PEX5L: variants seen among roughly 807,000 people sequenced by gnomAD.
PEX5L encodes the protein peroxisomal biogenesis factor 5 like.
Under a neutral mutation model 84.0 loss-of-function variants are expected in PEX5L, and 30 were observed. The observed-to-expected ratio is 0.36, with a 90% CI of 0.27 to 0.48. The LOEUF (loss-of-function observed/expected upper bound fraction) is 0.48, where lower values mean the gene tolerates loss of function less well. PEX5L is among the 20% of genes least tolerant of loss of function. PEX5L has a pLI of 0.99. For missense variants in PEX5L, 533 were observed against 754.6 expected (o/e 0.71, Z 3.44); for synonymous variants, 270 against 283.1 (o/e 0.95, Z 0.46).
At chr3:179,915,881 G>A (rs530084852) in intron 2 of PEX5L, among the ~76,000 whole-genome samples, 3 of 152,308 alleles carry the variant, frequency 2.0e-5, no homozygotes, top group African/African-American at 7.2e-5. Flanking sequence ...AGAGCATCCA[G>A]TTAATAAAAA....
In PEX5L at chr3:179,795,514, T is replaced by C. The variant is rs1716582225; in HGVS notation, c.*6314A>G. On this transcript the variant is annotated 3_prime_UTR_variant, in exon 15 of 15. Coordinates refer to ENST00000467460, the MANE Select transcript of PEX5L (RefSeq NM_016559.3). ...CAGAGTTGTGCTATGATACATATTA[T>C]TTCACTAAATCACTGATACAGTATC... The C allele has an allele frequency of 2.0e-5, 3 of 152,202 alleles. No individual in the cohort carries two copies. In the South Asian group the frequency reaches 6.2e-4, roughly 31 times the overall value. 9.4% of individuals were successfully genotyped at this position (152,202 alleles called of 1,614,324 possible).
At chr3:179,803,241 A>G (rs536408517) in intron 14 of PEX5L, among the ~76,000 whole-genome samples, 43 of 152,192 alleles carry the variant, frequency 2.8e-4, no homozygotes, top group Non-Finnish European at 5.9e-4. Context: ...TTTTCCCACT[A>G]GACTGTTTGT....
intron 1 of PEX5L, among the ~76,000 whole-genome samples, chr3:180,032,581 C>T (rs543646017): frequency 1.3e-5 from 2 of 152,302 alleles, no homozygotes; most frequent in East Asian, 1.9e-4. Context: ...GAGCCGGGAG[C>T]TGCGGTTCAT....
At chr3:179,883,392 C>T (rs1328881903) in intron 4 of PEX5L, among the ~76,000 whole-genome samples, 5 of 152,168 alleles carry the variant, frequency 3.3e-5, no homozygotes, top group African/African-American at 1.2e-4. Flanking sequence ...AGCACTTTGT[C>T]CTGTCTTCTT....
At chr3:179,973,208 A>G in intron 1 of PEX5L, 1 of 1,288,882 alleles carries the variant, frequency 7.8e-7, no homozygotes, top group Non-Finnish European at 1.0e-6. Context: ...GGCATTAAGT[A>G]GAGATGGAAT....
Position 179,801,564 on chromosome 3 carries a change from C to T in PEX5L, c.*264G>A, listed in dbSNP as rs1718857131. ...GCTTGCAACTTGTGGAAAGAGTATT[C>T]AACACACAGTTACTTTATCTTGGTT... On this transcript the variant is annotated 3_prime_UTR_variant, in exon 15 of 15. Coordinates refer to ENST00000467460, the MANE Select transcript of PEX5L (RefSeq NM_016559.3). 4.9e-6 allele frequency: 2 copies of T among 407,826 alleles called. No individual in the cohort carries two copies. The highest frequency in any genetic ancestry group is 8.8e-6 in the Non-Finnish European group (2 of 226,116). The allele number at this position is 407,826 out of a possible 1,614,324, so 25.3% of individuals were successfully genotyped here.
intron 2 of PEX5L, among the ~76,000 whole-genome samples, chr3:179,932,669 C>A: frequency 6.6e-6 from 1 of 152,086 alleles, no homozygotes; most frequent in East Asian, 1.9e-4. Context: ...TATTCACATT[C>A]TTAACTTTTT....
chr3:179,962,914 A>G (rs1005961018), intron 2 of PEX5L, among the ~76,000 whole-genome samples: 1 of 152,208 alleles, frequency 6.6e-6, no homozygotes, highest in African/African-American at 2.4e-5. Context: ...TCCCTATTAG[A>G]TTAAAAAGAA....
intron 14 of PEX5L, among the ~76,000 whole-genome samples, chr3:179,807,161 T>C (rs1485351284): frequency 2.0e-5 from 3 of 152,100 alleles, no homozygotes; most frequent in African/African-American, 7.2e-5. Context: ...CCCAGTTGTG[T>C]TTTTTCTTTT....
At chr3:179,852,892 A>C (rs1368228257) in intron 8 of PEX5L, among the ~76,000 whole-genome samples, 3 of 152,222 alleles carry the variant, frequency 2.0e-5, no homozygotes, top group African/African-American at 7.2e-5. Flanking sequence ...ATCCTTTGTT[A>C]GTCGGTCAGT....
intron 8 of PEX5L, among the ~76,000 whole-genome samples, chr3:179,846,164 T>C (rs1041848561): frequency 2.6e-5 from 4 of 152,106 alleles, no homozygotes; most frequent in Non-Finnish European, 5.9e-5. Context: ...AGAGAGACTC[T>C]GTCTCAAAAA....
chr3:179,891,139 T>G (rs1317580801), intron 3 of PEX5L, among the ~76,000 whole-genome samples: 1 of 152,046 alleles, frequency 6.6e-6, no homozygotes, highest in Non-Finnish European at 1.5e-5. Context: ...GCATCTCCAG[T>G]CTTCTACACC....
rs1019984075 is a variant in PEX5L, at chr3:179,797,343, C to T, written c.*4485G>A. 21 of 152,072 alleles carry T rather than the reference C, an allele frequency of 1.4e-4. No homozygotes were observed. Among genetic ancestry groups the T allele is most frequent in the African/African-American group, 4.8e-4 (20 of 41,416 alleles). 9.4% of individuals were successfully genotyped at this position (152,072 alleles called of 1,614,324 possible). A position where few individuals can be genotyped will look rare whatever the true frequency, so the allele number is the denominator to read the frequency against. ...AGAAAAGCAAATAGAAAAACTGTAA[C>T]ACAAAGTTCATAAAAATGCTCCCTT... On this transcript the variant is annotated 3_prime_UTR_variant, in exon 15 of 15. Transcript: ENST00000467460.
At chr3:179,951,853 G>A (rs1779178936) in intron 2 of PEX5L, among the ~76,000 whole-genome samples, 1 of 152,166 alleles carries the variant, frequency 6.6e-6, no homozygotes, top group South Asian at 2.1e-4. Context: ...TGGAGGTGAT[G>A]ACGATGAAAT....
chr3:179,834,030 G>A (rs1734092867), intron 8 of PEX5L, among the ~76,000 whole-genome samples: 1 of 151,974 alleles, frequency 6.6e-6, no homozygotes. Flanking sequence ...TGTGGAGACA[G>A]GGTCTCCATA....
At chr3:179,929,489 ATT>A (rs5854851) in intron 2 of PEX5L, among the ~76,000 whole-genome samples, 4,723 of 129,056 alleles carry the variant, frequency 0.037, 237 homozygotes, top group African/African-American at 0.13. Flanking sequence ...TGAAGTTGCC[ATT>A]TTTTTTTTTT....
At chr3:179,983,179 A>G (rs1786495944) in intron 1 of PEX5L, among the ~76,000 whole-genome samples, 1 of 152,010 alleles carries the variant, frequency 6.6e-6, no homozygotes, top group Non-Finnish European at 1.5e-5. Context: ...GTATACCAAT[A>G]TATACATATG....
Position 179,809,577 on chromosome 3 carries a change from C to G in PEX5L, c.1246G>C (p.Ala416Pro). Residue 416 changes from alanine to proline, a missense_variant, in exon 12 of 15, where the codon GCT becomes CCT. Physicochemically the swap from Ala to Pro is conservative, Grantham distance 27. Coordinates refer to ENST00000467460, the MANE Select transcript of PEX5L (RefSeq NM_016559.3). ...NTGHQQDACD[A>P]LKNWIKQNPK... ...TTTTGCTTAATCCAATTCTTCAGAG[C>G]GTCACAGGCATCCTGCTGATGGCCA... is the stretch of plus-strand genomic sequence containing the variant. 2 of 1,613,606 alleles carry G rather than the reference C, an allele frequency of 1.2e-6. No homozygotes were observed. The highest frequency in any genetic ancestry group is 2.2e-5 in the East Asian group (1 of 44,880).
At chr3:179,845,499 A>G (rs1047547732) in intron 8 of PEX5L, among the ~76,000 whole-genome samples, 2 of 152,236 alleles carry the variant, frequency 1.3e-5, no homozygotes, top group Admixed American at 6.5e-5. Context: ...GATATTTCCA[A>G]GAATATCAAG....
Sources: allele counts gnomAD v4.1 joint callset (sites outside exome capture counted in the v4.1 genomes callset), GRCh38; gene constraint gnomAD v4.1.1; transcripts MANE v1.5; gene names NCBI Gene and HGNC (gene_info 2026-07-23, HGNC 2026-07-21).